The following ZP3 variants were observed in gnomAD, a reference collection of about 807,000 sequenced individuals.
ZP3 encodes the protein zona pellucida sperm-binding protein 3.
ZP3 carries 21 observed loss-of-function variants against 35.6 expected under a neutral mutation model. The observed-to-expected ratio is 0.59, with a 90% CI of 0.42 to 0.85. The LOEUF is 0.85. Among genes scored for constraint, ZP3 ranks in the 40% least tolerant of loss-of-function variants. The probability of loss-of-function intolerance (pLI) is 0.00; values close to 1 mark genes in which losing one functional copy is unlikely to be tolerated. For missense variants in ZP3, 437 were observed against 536.5 expected (o/e 0.81, Z 1.83); for synonymous variants, 207 against 214.5 (o/e 0.96, Z 0.31).
intron 5 of ZP3, among the ~76,000 whole-genome samples, chr7:76,438,538 G>GGGAAAAA (rs1554626485): frequency 2.4e-4 from 21 of 88,564 alleles, no homozygotes; most frequent in African/African-American, 6.5e-4. Context: ...CTCCGTCTCA[G>GGGAAAAA]AAAAAAAAAA....
rs35187653 is a variant in ZP3 at position 76,432,035 on chromosome 7, T to TA, written c.432-881dup. Among the ~76,000 whole-genome samples, 641 of 147,064 alleles carry TA rather than the reference T, an allele frequency of 4.4e-3. 10 individuals are homozygous for TA. In the South Asian group the frequency reaches 0.057, roughly 13 times the overall value. ...GTGTGGTGGCTTTTGGTTTTTTGTT[T>TA]AAAAAAAAAAAGTCTTACTCTGCCG... On this transcript the variant is annotated intron_variant, in intron 2 of 7. Coordinates refer to ENST00000394857, the MANE Select transcript of ZP3 (RefSeq NM_001110354.2).
chr7:76,399,883 C>T (rs1037940063), intron 1 of ZP3, among the ~76,000 whole-genome samples: 4 of 152,064 alleles, frequency 2.6e-5, no homozygotes, highest in Admixed American at 2.6e-4. Flanking sequence ...ACCTGTAGTT[C>T]CAGCTACTGA....
rs1805616580 is a variant in ZP3, at chr7:76,425,252, C to T, written c.288C>T (p.Leu96=). 6.2e-7 allele frequency: 1 copy of T among 1,609,546 alleles called. No individual in the cohort carries two copies. Residue 96 remains leucine (L), a synonymous_variant, in exon 1 of 8, where the codon CTC becomes CTT. Coordinates refer to ENST00000394857, the MANE Select transcript of ZP3 (RefSeq NM_001110354.2). The part of the protein sequence containing the change: ...TEDVVRFEVG[L]HECGNSMQVT... ...ATGTGGTCAGGTTTGAGGTTGGACT[C>T]CACGAGTGTGGCAACAGCATGCAGG...
In ZP3 at chr7:76,436,348, G is replaced by C. The variant is rs1806013204; in HGVS notation, c.831+2193G>C. 2.0e-5 allele frequency among the ~76,000 whole-genome samples: 3 copies of C among 152,044 alleles called. No homozygotes were observed. The South Asian group carries it at 6.2e-4, about 32-fold the overall frequency. On this transcript the variant is annotated intron_variant, in intron 5 of 7. Coordinates refer to ENST00000394857, the MANE Select transcript of ZP3 (RefSeq NM_001110354.2). The stretch of plus-strand genomic sequence containing the variant: ...AGGCGTGAGCCACTGTACCCGGCCT[G>C]CTAGCATTTTACTGTTATCCTCCAT...
chr7:76,414,304 A>G (rs1313847057), intron 1 of ZP3, among the ~76,000 whole-genome samples: 1 of 151,934 alleles, frequency 6.6e-6, no homozygotes, highest in Non-Finnish European at 1.5e-5. Context: ...GCCCCATATT[A>G]ATATTTGTAT....
chr7:76,400,557 C>T, intron 1 of ZP3: 1 of 1,505,412 alleles, frequency 6.6e-7, no homozygotes, highest in African/African-American at 1.4e-5. Context: ...CCAGGCGGCC[C>T]CGGCAGCGGC....
intron 1 of ZP3, among the ~76,000 whole-genome samples, chr7:76,427,832 G>T (rs533600020): frequency 3.9e-5 from 6 of 152,190 alleles, no homozygotes; most frequent in African/African-American, 1.4e-4. Flanking sequence ...ACAGGCACAT[G>T]CCACCGTGCC....
intron 1 of ZP3, among the ~76,000 whole-genome samples, chr7:76,402,407 C>G (rs924997196): frequency 6.6e-6 from 1 of 152,060 alleles, no homozygotes; most frequent in Non-Finnish European, 1.5e-5. Flanking sequence ...GTCTTGAACC[C>G]TTAACCTCAA....
rs753936084 is a variant in ZP3 at position 76,433,514 on chromosome 7, G to C, written c.580G>C (p.Asp194His). 2 of 1,614,072 alleles carry C rather than the reference G, an allele frequency of 1.2e-6. No individual in the cohort carries two copies. Among genetic ancestry groups the C allele is most frequent in the Non-Finnish European group, 1.7e-6 (2 of 1,180,004 alleles). ...GAGGTCCCCCACCTTCCACCTGGGAGATGCAGCCCACCTCCAGGCAGAAAT... is the reference window on the plus strand; with the variant it reads ...GAGGTCCCCCACCTTCCACCTGGGACATGCAGCCCACCTCCAGGCAGAAAT... ...EKRSPTFHLG[D>H]AAHLQAEIHT... Residue 194 changes from aspartate to histidine, a missense_variant, in exon 4 of 8, where the codon GAT (aspartate) becomes CAT (histidine). Transcript: ENST00000394857.
chr7:76,430,196 C>T (rs1023188846), intron 2 of ZP3, among the ~76,000 whole-genome samples: 2 of 151,982 alleles, frequency 1.3e-5, no homozygotes, highest in African/African-American at 4.8e-5. Context: ...GGCAACAAAG[C>T]GATACTCCAT....
At chr7:76,439,320 C>T (rs1232551564) in intron 5 of ZP3, among the ~76,000 whole-genome samples, 4 of 152,266 alleles carry the variant, frequency 2.6e-5, no homozygotes, top group Non-Finnish European at 5.9e-5. Flanking sequence ...CAGGTGGCAG[C>T]GTCAGAAGCC....
At chr7:76,398,643 T>C in intron 1 of ZP3, 8 of 1,460,674 alleles carry the variant, frequency 5.5e-6, no homozygotes, top group Non-Finnish European at 6.7e-6. Context: ...GTAATCCCTG[T>C]CTTCCCACTG....
intron 1 of ZP3, among the ~76,000 whole-genome samples, chr7:76,405,309 A>G (rs61440534): frequency 1.9e-4 from 8 of 42,342 alleles, no homozygotes; most frequent in African/African-American, 5.8e-4. Context: ...ATATATATAT[A>G]TATATATGTA....
At chr7:76,417,942 T>TTC (rs1310736381) in intron 1 of ZP3, among the ~76,000 whole-genome samples, 1 of 95,034 alleles carries the variant, frequency 1.1e-5, no homozygotes, top group Non-Finnish European at 2.8e-5. Context: ...CTTTCTTTCT[T>TTC]TTTTTTTTTT....
intron 7 of ZP3, 150 bp from the exon 8 acceptor site, chr7:76,441,692 A>C: frequency 7.8e-7 from 1 of 1,277,920 alleles, no homozygotes; most frequent in Non-Finnish European, 1.1e-6. Context: ...CTGGCCGAGA[A>C]AGCTGTGTTT....
chr7:76,435,178 A>C (rs1373789791), intron 5 of ZP3, among the ~76,000 whole-genome samples: 1 of 152,200 alleles, frequency 6.6e-6, no homozygotes, highest in African/African-American at 2.4e-5. Context: ...AACCCCCTCT[A>C]CTAAAAATAC....
At chr7:76,436,253 G>A (rs1294158568) in intron 5 of ZP3, among the ~76,000 whole-genome samples, 3 of 151,972 alleles carry the variant, frequency 2.0e-5, no homozygotes, top group Admixed American at 6.6e-5. Flanking sequence ...CACCATATTG[G>A]CCAGGCTGGT....
chr7:76,397,918 T>C (rs6963070), intron 1 of ZP3: 640,610 of 1,342,494 alleles, frequency 0.48, 156,295 homozygotes, highest in African/African-American at 0.65. Context: ...TGTCCCAGGA[T>C]CTACAACCCT....
At chr7:76,428,910 G>A (rs1410273906) in intron 1 of ZP3, 1 of 152,714 alleles carries the variant, frequency 6.5e-6, no homozygotes, top group Non-Finnish European at 1.5e-5. Context: ...TCAAACTCCT[G>A]ACCTCAGATG....
Sources: gnomAD v4.1 joint callset for allele counts (sites outside exome capture counted in the v4.1 genomes callset) on GRCh38, gnomAD v4.1.1 for gene constraint, MANE v1.5 for transcripts, NCBI Gene and HGNC (gene_info 2026-07-23, HGNC 2026-07-21) for gene names.